PREPL: variants seen among roughly 807,000 people sequenced by gnomAD.
PREPL encodes the protein prolyl endopeptidase like, also known as prolyl endopeptidase-like.
In PREPL, 77 loss-of-function variants were observed where a neutral mutation model predicts 70.6. The ratio of observed to expected loss-of-function variants is 1.09; its 90% CI spans 0.91 to 1.32. The LOEUF (loss-of-function observed/expected upper bound fraction) is 1.32. Ranked by LOEUF, PREPL falls within the 40% of genes most tolerant of loss-of-function variation. The pLI is 0.00. For synonymous variants in PREPL, 315 were observed against 264.8 expected (o/e 1.19, Z -1.84); for missense variants, 1,002 against 778.2 (o/e 1.29, Z -3.42).
chr2:44,359,739 C>T lies in PREPL; in HGVS notation c.-49+1641G>A, dbSNP rs747450848. On this transcript the variant is annotated intron_variant, in intron 1 of 13. Transcript: ENST00000409411. ...ATGATATCAAAGTCCCTGGTTTATG[C>T]TCCTTTTGGGGCTGCCAGCACACGA... 8.5e-6 allele frequency: 13 copies of T among 1,521,338 alleles called. No individual in the cohort carries two copies. The Admixed American group carries it at 1.8e-4, about 22-fold the overall frequency. The allele number at this position is 1,521,338 out of a possible 1,614,324, so 94.2% of individuals were successfully genotyped here.
rs774644274 is a variant in PREPL, at chr2:44,342,525, T to A, written c.377A>T (p.Asp126Val). The change falls in exon 5 of 14, where the codon GAT becomes GTT. Residue 126 changes from aspartate (D) to valine (V), a missense_variant. Asp to Val is a radical substitution (Grantham distance 152, BLOSUM62 -3). Coordinates refer to ENST00000409411, the MANE Select transcript of PREPL (RefSeq NM_001171613.2). ...CCTCTGGAAGGTGTAGAATAAAACATCTTCATCTTCCTCGTCCTTTACCCA... is the reference window on the plus strand; with the variant it reads ...CCTCTGGAAGGTGTAGAATAAAACAACTTCATCTTCCTCGTCCTTTACCCA... The part of the protein sequence containing the change: ...FEWVKDEEDE[D>V]VLFYTFQRNL... 2.5e-6 allele frequency: 4 copies of A among 1,609,268 alleles called. No homozygotes were observed. The highest frequency in any genetic ancestry group is 3.4e-6 in the Non-Finnish European group (4 of 1,177,090).
At chr2:44,337,425 G>A (rs1674747417) in intron 7 of PREPL, among the ~76,000 whole-genome samples, 1 of 152,120 alleles carries the variant, frequency 6.6e-6, no homozygotes, top group African/African-American at 2.4e-5. Flanking sequence ...CTTAAGGCTA[G>A]GATATTCTGC....
upstream of PREPL, chr2:44,361,549 A>G (rs545584513): frequency 1.5e-3 from 235 of 154,940 alleles, 1 homozygote; most frequent in Non-Finnish European, 2.6e-3. Context: ...GCTGGTTTGC[A>G]GCACGCCAAT....
At chr2:44,339,684 C>T (rs1675006224) in intron 5 of PREPL, among the ~76,000 whole-genome samples, 1 of 152,158 alleles carries the variant, frequency 6.6e-6, no homozygotes, top group African/African-American at 2.4e-5. Context: ...CATATCTATG[C>T]ACCTATTAAT....
chr2:44,359,497 C>A lies in PREPL; in HGVS notation c.-49+1883G>T, dbSNP rs199854790. 1.6e-4 allele frequency: 253 copies of A among 1,600,068 alleles called. 1 individual carries two copies. Among genetic ancestry groups the A allele is most frequent in the Non-Finnish European group, 2.2e-5 (26 of 1,168,164 alleles). ...ATAGGTTAACTTAAACAGTCCATAC[C>A]TTACATGAGAAGCTCCGACTTGGGA... On this transcript the variant is annotated intron_variant, in intron 1 of 13. Transcript: ENST00000409411.
chr2:44,342,024 C>T (rs1320263991), intron 5 of PREPL, among the ~76,000 whole-genome samples: 1 of 151,888 alleles, frequency 6.6e-6, no homozygotes, highest in African/African-American at 2.4e-5. Context: ...AAGTATATAC[C>T]ATTTATTTAA....
upstream of PREPL, chr2:44,361,775 G>A (rs1013113684): frequency 1.1e-5 from 7 of 635,140 alleles, no homozygotes; most frequent in Non-Finnish European, 1.4e-5. Flanking sequence ...CCTCTGGTCC[G>A]CCCTCACTCA....
chr2:44,344,016 T>C (rs1348333161), intron 3 of PREPL, 65 bp from the exon 4 acceptor site: 5 of 1,500,822 alleles, frequency 3.3e-6, no homozygotes, highest in African/African-American at 2.8e-5. Context: ...TAAAACTGTA[T>C]TTTAATGTTT....
intron 7 of PREPL, among the ~76,000 whole-genome samples, chr2:44,336,981 G>A (rs949175910): frequency 6.6e-6 from 1 of 152,008 alleles, no homozygotes; most frequent in Non-Finnish European, 1.5e-5. Flanking sequence ...TTGGTTTAGT[G>A]TATCCTAATA....
intron 10 of PREPL, among the ~76,000 whole-genome samples, chr2:44,325,179 G>A (rs1043574676): frequency 6.6e-6 from 1 of 152,220 alleles, no homozygotes; most frequent in African/African-American, 2.4e-5. Flanking sequence ...CCTGCAGCTT[G>A]GGAGTAGCTG....
At chr2:44,342,805 G>T (rs1020697570) in intron 4 of PREPL, among the ~76,000 whole-genome samples, 33 of 152,224 alleles carry the variant, frequency 2.2e-4, no homozygotes, top group Middle Eastern at 3.4e-3. Context: ...TTCTAAATAA[G>T]AGCTAAATGC....
chr2:44,331,546 C>T (rs1368585257), intron 8 of PREPL, among the ~76,000 whole-genome samples: 1 of 152,092 alleles, frequency 6.6e-6, no homozygotes, highest in Non-Finnish European at 1.5e-5. Context: ...TCCCCAAATT[C>T]AGGGCCTCTA....
chr2:44,352,292 T>A (rs1676527415), intron 1 of PREPL, among the ~76,000 whole-genome samples: 1 of 152,192 alleles, frequency 6.6e-6, no homozygotes, highest in African/African-American at 2.4e-5. Context: ...GATGAGGACT[T>A]GCTTGTGTCC....
intron 1 of PREPL, among the ~76,000 whole-genome samples, chr2:44,356,075 T>C (rs186145381): frequency 3.9e-5 from 6 of 152,296 alleles, no homozygotes; most frequent in African/African-American, 1.4e-4. Flanking sequence ...TCTTGCCATC[T>C]GGCTAATGTA....
chr2:44,346,060 C>T (rs971572216), intron 2 of PREPL, among the ~76,000 whole-genome samples: 5 of 151,998 alleles, frequency 3.3e-5, no homozygotes, highest in Admixed American at 6.6e-5. Context: ...ATCTTACTTT[C>T]GATCTTTACA....
At position 44,322,756 on chromosome 2, in the gene PREPL, C is replaced by T. The variant is rs757091047; in HGVS notation, c.1728G>A (p.Ala576=). 3.5e-5 allele frequency: 56 copies of T among 1,613,672 alleles called. No homozygotes were observed. Among genetic ancestry groups the T allele is most frequent in the Admixed American group, 1.3e-4 (8 of 59,966 alleles). The part of the protein sequence containing the change: ...SYTEKLKEAI[A]EHAKDTGEGY... ...CTTCACCTGTGTCCTTAGCATGCTC[C>T]GCGATGGCTTCCTTGAGTTTCTCAG... Residue 576 remains alanine, a synonymous_variant, in exon 12 of 14, where the codon GCG becomes GCA. Coordinates refer to ENST00000409411, the MANE Select transcript of PREPL (RefSeq NM_001171613.2).
intron 5 of PREPL, among the ~76,000 whole-genome samples, chr2:44,339,936 T>C (rs1359213306): frequency 1.3e-5 from 2 of 152,162 alleles, no homozygotes; most frequent in Non-Finnish European, 2.9e-5. Context: ...CCTCACAATC[T>C]TACTAACGTA....
Position 44,320,679 on chromosome 2 carries a change from G to T in PREPL, c.*677C>A, listed in dbSNP as rs370106397. The stretch of plus-strand genomic sequence containing the variant: ...AGATGAAGACACTGGCATTTCAGTG[G>T]GATTGTAAGCATTTGTAATAGCTTC... On this transcript the variant is annotated 3_prime_UTR_variant, in exon 14 of 14. Coordinates refer to ENST00000409411, the MANE Select transcript of PREPL (RefSeq NM_001171613.2). 6.7e-7 allele frequency: 1 copy of T among 1,498,078 alleles called. No homozygotes were observed. Among genetic ancestry groups the T allele is most frequent in the South Asian group, 1.1e-5 (1 of 88,370 alleles). 92.8% of individuals were successfully genotyped at this position (1,498,078 alleles called of 1,614,324 possible). A position where few individuals can be genotyped will look rare whatever the true frequency, so the allele number is the denominator to read the frequency against.
intron 8 of PREPL, 109 bp from the exon 9 acceptor site, chr2:44,329,221 C>G: frequency 1.2e-6 from 1 of 852,484 alleles, no homozygotes; most frequent in East Asian, 2.7e-5. Context: ...GTGCTACCTA[C>G]TGATGTTGAG....
Sources: allele counts gnomAD v4.1 joint callset (sites outside exome capture counted in the v4.1 genomes callset), GRCh38; gene constraint gnomAD v4.1.1; transcripts MANE v1.5; gene names NCBI Gene and HGNC (gene_info 2026-07-23, HGNC 2026-07-21).